Variants in COQ5 observed in about 807,000 individuals in gnomAD.
COQ5 encodes the protein 2-methoxy-6-polyprenyl-1,4-benzoquinol methylase, mitochondrial.
Under a neutral mutation model 40.5 loss-of-function variants are expected in COQ5, and 27 were observed. The observed-to-expected ratio is 0.67, with a 90% CI of 0.49 to 0.92. The LOEUF (loss-of-function observed/expected upper bound fraction) is 0.92. Ranked by LOEUF, COQ5 falls within the 40% of genes least tolerant of loss-of-function variation. COQ5 has a pLI of 0.00. For missense variants in COQ5, 409 were observed against 406.4 expected (o/e 1.01, Z -0.06); for synonymous variants, 141 against 150.0 (o/e 0.94, Z 0.44).
At chr12:120,515,682 A>G (rs1194898101) in intron 3 of COQ5, among the ~76,000 whole-genome samples, 3 of 152,210 alleles carry the variant, frequency 2.0e-5, no homozygotes, top group Non-Finnish European at 4.4e-5. Flanking sequence ...ACCTTAATGC[A>G]GATCTGACAA....
At chr12:120,504,462 G>C (rs550361350) in intron 5 of COQ5, 71 of 254,614 alleles carry the variant, frequency 2.8e-4, no homozygotes, top group Non-Finnish European at 4.7e-4. Flanking sequence ...TGCCCAGGCT[G>C]GTCTTGAACT....
chr12:120,508,379 T>C (rs957197752), intron 4 of COQ5, among the ~76,000 whole-genome samples: 2 of 151,070 alleles, frequency 1.3e-5, no homozygotes, highest in African/African-American at 4.9e-5. Context: ...AGAGTGAGAG[T>C]CCGTCTCCAA....
chr12:120,506,011 A>ACCG (rs1276756683), intron 4 of COQ5, among the ~76,000 whole-genome samples: 1 of 152,052 alleles, frequency 6.6e-6, no homozygotes, highest in Non-Finnish European at 1.5e-5. Context: ...ATGCACCACC[A>ACCG]CACCCAACTA....
At position 120,529,009 on chromosome 12, in the gene COQ5, G is replaced by C. The variant is rs984958907; in HGVS notation, c.133C>G (p.Gln45Glu). ...TGCGTTTCCGCTGCCCGCTTCTCTT[G>C]GGACAAGAGCCGAGCACTTAGTAGG... The part of the protein sequence containing the change: ...GDLLSARLLS[Q>E]EKRAAETHFG... Residue 45 changes from glutamine to glutamate, a missense_variant, in exon 1 of 7, where the codon CAA (glutamine) becomes GAA (glutamate). Physicochemically the swap from Gln to Glu is conservative, Grantham distance 29. Coordinates refer to ENST00000288532, the MANE Select transcript of COQ5 (RefSeq NM_032314.4). 1 of 1,614,066 alleles carries C rather than the reference G, an allele frequency of 6.2e-7. No homozygotes were observed. Among genetic ancestry groups the C allele is most frequent in the African/African-American group, 1.3e-5 (1 of 74,990 alleles).
At chr12:120,510,997 G>A (rs1463648872) in intron 3 of COQ5, among the ~76,000 whole-genome samples, 2 of 152,146 alleles carry the variant, frequency 1.3e-5, no homozygotes, top group African/African-American at 2.4e-5. Flanking sequence ...CTGGCCAGGT[G>A]CGGTGGCTCA....
chr12:120,513,692 G>A lies in COQ5; in HGVS notation c.574+2875C>T, dbSNP rs1428064282. Among the ~76,000 whole-genome samples the A allele has an allele frequency of 3.3e-5, 5 of 151,782 alleles. No individual in the cohort carries two copies. The East Asian group carries it at 9.9e-4, about 30-fold the overall frequency. ...GCACCACCACGCCTGGCTAATTTTTGTATTTTTAGTAGAGACAGGGTTTCA... is the reference window on the plus strand; with the variant it reads ...GCACCACCACGCCTGGCTAATTTTTATATTTTTAGTAGAGACAGGGTTTCA... On this transcript the variant is annotated intron_variant, in intron 3 of 6. Transcript: ENST00000288532.
intron 4 of COQ5, among the ~76,000 whole-genome samples, chr12:120,506,523 C>T (rs868529906): frequency 1.6e-4 from 25 of 152,014 alleles, no homozygotes; most frequent in Middle Eastern, 3.4e-3. Context: ...CATGCCACCA[C>T]ACCCGGCTAA....
Position 120,529,120 on chromosome 12 carries a change from C to T in COQ5, c.22G>A (p.Ala8Thr), listed in dbSNP as rs768491516. 10 of 1,613,814 alleles carry T rather than the reference C, an allele frequency of 6.2e-6. No homozygotes were observed. Among genetic ancestry groups the T allele is most frequent in the Admixed American group, 5.0e-5 (3 of 59,978 alleles). The change falls in exon 1 of 7, where the codon GCT becomes ACT. Residue 8 changes from alanine to threonine, a missense_variant. Transcript: ENST00000288532. ...CCACGGCCGCAATAGCTCCATAGAG[C>T]ACAGCTCCCGGGGGCCGCCATCTTG... MAAPGSC[A>T]LWSYCGRGWS... is the part of the protein sequence containing the mutation.
chr12:120,512,517 C>T (rs1869182010), intron 3 of COQ5, among the ~76,000 whole-genome samples: 1 of 151,516 alleles, frequency 6.6e-6, no homozygotes. Flanking sequence ...AGGGGAATCG[C>T]TTGAACCGGG....
chr12:120,526,205 T>C (rs926242640), intron 1 of COQ5, among the ~76,000 whole-genome samples: 3 of 152,230 alleles, frequency 2.0e-5, no homozygotes, highest in African/African-American at 7.2e-5. Flanking sequence ...AGTTACTCAG[T>C]TCACAGACAG....
Position 120,503,762 on chromosome 12 carries a change from A to G in COQ5, c.*22T>C. 6.4e-7 allele frequency: 1 copy of G among 1,570,438 alleles called. No individual in the cohort carries two copies. Among genetic ancestry groups the G allele is most frequent in the East Asian group, 2.2e-5 (1 of 44,668 alleles). On this transcript the variant is annotated 3_prime_UTR_variant, in exon 7 of 7. Coordinates refer to ENST00000288532, the MANE Select transcript of COQ5 (RefSeq NM_032314.4). ...GCTTTCAACAGGATATGACTGGTTC[A>G]TGCTCCATGATAGGAAAGGAATTAA...
chr12:120,504,859 A>T (rs1868809137), intron 5 of COQ5, 36 bp downstream of exon 5: 1 of 1,547,064 alleles, frequency 6.5e-7, no homozygotes, highest in African/African-American at 1.4e-5. Context: ...AACCTTGGCT[A>T]TACAATGAAG....
At chr12:120,510,346 C>A (rs77251789) in intron 3 of COQ5, among the ~76,000 whole-genome samples, 4,422 of 152,110 alleles carry the variant, frequency 0.029, 223 homozygotes, top group African/African-American at 0.1. Context: ...GGAGGTCTTG[C>A]TTTCTCACCC....
intron 4 of COQ5, chr12:120,509,729 C>T: frequency 2.7e-6 from 1 of 377,162 alleles, no homozygotes; most frequent in Non-Finnish European, 5.1e-6. Flanking sequence ...AAGCGCCAAG[C>T]CCTTAAACAT....
chr12:120,513,790 G>A (rs537702421), intron 3 of COQ5, among the ~76,000 whole-genome samples: 1 of 152,160 alleles, frequency 6.6e-6, no homozygotes, highest in South Asian at 2.1e-4. Context: ...AAAGTGCTGG[G>A]ATTACAGGTA....
intron 2 of COQ5, among the ~76,000 whole-genome samples, chr12:120,517,002 T>C (rs1161943502): frequency 6.6e-6 from 1 of 152,196 alleles, no homozygotes; most frequent in Non-Finnish European, 1.5e-5. Flanking sequence ...GGCACAATCA[T>C]AGCTGAGTGT....
At chr12:120,513,456 T>G (rs1194355485) in intron 3 of COQ5, among the ~76,000 whole-genome samples, 2 of 148,806 alleles carry the variant, frequency 1.3e-5, no homozygotes, top group African/African-American at 4.9e-5. Context: ...GAGCCGAGAT[T>G]GCGCCACTGC....
At position 120,512,593 on chromosome 12, in the gene COQ5, CTG is replaced by C. The variant is rs199723537; in HGVS notation, c.575-2472_575-2471del. Among the ~76,000 whole-genome samples the C allele has an allele frequency of 1.3e-3, 201 of 152,148 alleles. 1 individual carries two copies. The highest frequency in any genetic ancestry group is 9.3e-3 in the East Asian group (48 of 5,174). ...CCAGCCTGGGTGACAAAGCAGGACT[CTG>C]TCTCAAAAATAAATACATAAATAAA... On this transcript the variant is annotated intron_variant, in intron 3 of 6. Coordinates refer to ENST00000288532, the MANE Select transcript of COQ5 (RefSeq NM_032314.4).
At chr12:120,518,387 C>A (rs1869481256) in intron 2 of COQ5, among the ~76,000 whole-genome samples, 1 of 149,198 alleles carries the variant, frequency 6.7e-6, no homozygotes, top group South Asian at 2.1e-4. Flanking sequence ...CGAGATGACG[C>A]CACTACACTC....
Sources: allele counts gnomAD v4.1 joint callset (sites outside exome capture counted in the v4.1 genomes callset), GRCh38; gene constraint gnomAD v4.1.1; transcripts MANE v1.5; gene names NCBI Gene and HGNC (gene_info 2026-07-23, HGNC 2026-07-21).